Variants in RASA3 observed in about 807,000 individuals in gnomAD.
RASA3 encodes ras GTPase-activating protein 3.
Under a neutral mutation model 110.0 loss-of-function variants are expected in RASA3, and 73 were observed. The ratio of observed to expected loss-of-function variants is 0.66; its 90% CI spans 0.55 to 0.81. The LOEUF is 0.81. Ranked by LOEUF, RASA3 falls within the 30% of genes least tolerant of loss-of-function variation. The pLI, the probability that RASA3 is intolerant of heterozygous loss-of-function variation, is 0.00. For missense variants in RASA3, 976 were observed against 1,113.2 expected (o/e 0.88, Z 1.75); for synonymous variants, 500 against 451.4 (o/e 1.11, Z -1.37).
intron 3 of RASA3, among the ~76,000 whole-genome samples, chr13:114,049,610 G>C (rs2079109461): frequency 6.6e-6 from 1 of 152,270 alleles, no homozygotes; most frequent in Non-Finnish European, 1.5e-5. Flanking sequence ...GGATTCTCGA[G>C]TATAAACGGA....
In RASA3 at chr13:114,029,393, C is replaced by T. The variant is rs1316929240; in HGVS notation, c.449+418G>A. On this transcript the variant is annotated intron_variant, in intron 5 of 23. Coordinates refer to ENST00000334062, the MANE Select transcript of RASA3 (RefSeq NM_007368.4). ...CATCCTGGGGCCAGGACCTCTAAAA[C>T]GACGTCATCCTGGGGGCCAGGACCT... Among the ~76,000 whole-genome samples the T allele has an allele frequency of 1.2e-4, 3 of 25,816 alleles. 1 individual carries two copies. The highest frequency in any genetic ancestry group is 1.1e-3 in the Admixed American group (3 of 2,754). 16.9% of individuals were successfully genotyped at this position (25,816 alleles called of 152,430 possible). A position where few individuals can be genotyped will look rare whatever the true frequency, so the allele number is the denominator to read the frequency against.
intron 1 of RASA3, among the ~76,000 whole-genome samples, chr13:114,128,708 C>T (rs1195657326): frequency 1.3e-5 from 2 of 152,266 alleles, no homozygotes; most frequent in Non-Finnish European, 2.9e-5. Context: ...CGGACAAGCT[C>T]CAGCCTCACA....
At chr13:114,047,584 A>G (rs1477806955) in intron 3 of RASA3, among the ~76,000 whole-genome samples, 1 of 152,276 alleles carries the variant, frequency 6.6e-6, no homozygotes, top group Non-Finnish European at 1.5e-5. Flanking sequence ...AACATTGTCC[A>G]CACAAAGACC....
At chr13:114,037,967 G>C (rs2054311883) in intron 4 of RASA3, among the ~76,000 whole-genome samples, 1 of 151,996 alleles carries the variant, frequency 6.6e-6, no homozygotes, top group Non-Finnish European at 1.5e-5. Flanking sequence ...CCGGGAGAAG[G>C]GAGCACGGCC....
intron 1 of RASA3, among the ~76,000 whole-genome samples, chr13:114,100,297 G>A (rs944665477): frequency 2.6e-4 from 39 of 152,172 alleles, no homozygotes; most frequent in Admixed American, 8.5e-4. Flanking sequence ...TCCCCACTGC[G>A]TCCTGGGGCA....
intron 3 of RASA3, among the ~76,000 whole-genome samples, chr13:114,042,740 G>C (rs1296168972): frequency 3.3e-5 from 5 of 152,198 alleles, no homozygotes; most frequent in Non-Finnish European, 5.9e-5. Flanking sequence ...GCTCCCATCG[G>C]AACAACCCTG....
chr13:113,996,864 C>T, intron 20 of RASA3, 125 bp from the exon 21 acceptor site: 2 of 814,094 alleles, frequency 2.5e-6, no homozygotes, highest in Non-Finnish European at 4.0e-6. Context: ...GGTGCACAGG[C>T]CCAAAAGTCC....
At chr13:114,125,697 A>G (rs2080437293) in intron 1 of RASA3, among the ~76,000 whole-genome samples, 1 of 152,156 alleles carries the variant, frequency 6.6e-6, no homozygotes, top group South Asian at 2.1e-4. Flanking sequence ...TGCAGTAGAC[A>G]CGTCTGTTCA....
At chr13:114,107,542 C>G (rs1566578984) in intron 1 of RASA3, 1 of 152,558 alleles carries the variant, frequency 6.6e-6, no homozygotes, top group Non-Finnish European at 1.5e-5. Flanking sequence ...TCCCTCATGA[C>G]CCAGGCAGGC....
intron 21 of RASA3, among the ~76,000 whole-genome samples, chr13:113,993,806 T>TAAAAAA (rs35450759): frequency 6.7e-3 from 572 of 85,012 alleles, no homozygotes; most frequent in Middle Eastern, 0.024. Flanking sequence ...AGACTCTGCC[T>TAAAAAA]AAAAAAAAAA....
intron 2 of RASA3, among the ~76,000 whole-genome samples, chr13:114,058,462 G>T (rs572120243): frequency 1.5e-4 from 23 of 152,364 alleles, no homozygotes; most frequent in African/African-American, 5.5e-4. Flanking sequence ...CAGACCGGAC[G>T]GAAAACACAG....
intron 2 of RASA3, among the ~76,000 whole-genome samples, chr13:114,060,900 C>T (rs1216052139): frequency 8.6e-5 from 12 of 140,112 alleles, no homozygotes; most frequent in South Asian, 5.0e-4. Flanking sequence ...AGCCGGGAGA[C>T]GGGGCCTCCA....
intron 23 of RASA3, among the ~76,000 whole-genome samples, 166 bp downstream of exon 23, chr13:113,981,509 C>T (rs1288622679): frequency 1.3e-5 from 2 of 152,190 alleles, no homozygotes; most frequent in Non-Finnish European, 2.9e-5. Flanking sequence ...CGGGCCACGT[C>T]CACTGACTAC....
intron 1 of RASA3, among the ~76,000 whole-genome samples, chr13:114,120,690 AC>A (rs1385870356): frequency 3.9e-5 from 6 of 152,222 alleles, no homozygotes; most frequent in Admixed American, 3.3e-4. Flanking sequence ...CCACAGAGAA[AC>A]TCCGTGTGAC....
chr13:114,119,109 C>T (rs1246517658), intron 1 of RASA3, among the ~76,000 whole-genome samples: 1 of 140,314 alleles, frequency 7.1e-6, no homozygotes, highest in East Asian at 2.2e-4. Context: ...CTGGGAAGGG[C>T]ACATGGAGGG....
In RASA3 at chr13:114,057,148, C is replaced by T; in HGVS notation, c.174-4993G>A. ...TTTTGCATGTCTGATGTCGTTTATT[C>T]TAGTGGTTCCAATTGCCTATTTTAA... On this transcript the variant is annotated intron_variant, in intron 2 of 23. Coordinates refer to ENST00000334062, the MANE Select transcript of RASA3 (RefSeq NM_007368.4). This position sits in a 1 kb window ranked among gnomAD's most constrained non-coding sequence, Gnocchi z 5.0. The T allele has an allele frequency of 1.1e-6, 1 of 942,274 alleles. No individual in the cohort carries two copies. Among genetic ancestry groups the T allele is most frequent in the South Asian group, 4.9e-5 (1 of 20,366 alleles). The allele number at this position is 942,274 out of a possible 1,614,324, so 58.4% of individuals were successfully genotyped here.
At chr13:114,111,624 A>C (rs2080222107) in intron 1 of RASA3, among the ~76,000 whole-genome samples, 1 of 152,246 alleles carries the variant, frequency 6.6e-6, no homozygotes, top group African/African-American at 2.4e-5. Context: ...CCGAGTTCTA[A>C]CGGGCTGAGC....
chr13:114,012,548 GCA>G (rs2053658139), intron 15 of RASA3, among the ~76,000 whole-genome samples: 2 of 110,770 alleles, frequency 1.8e-5, no homozygotes, highest in East Asian at 5.9e-4. Flanking sequence ...CTCATTCCAT[GCA>G]CACTCCCCAT....
chr13:114,108,770 A>T (rs950556727), intron 1 of RASA3: 2 of 152,046 alleles, frequency 1.3e-5, no homozygotes, highest in Admixed American at 6.6e-5. Context: ...TACCTCGAGG[A>T]CACTCTGGAC....
Sources: gnomAD v4.1 joint callset for allele counts (sites outside exome capture counted in the v4.1 genomes callset) on GRCh38, gnomAD v4.1.1 for gene constraint, Gnocchi (gnomAD v3.1) non-coding constraint, MANE v1.5 for transcripts, NCBI Gene and HGNC (gene_info 2026-07-23, HGNC 2026-07-21) for gene names.